BRPF3: variants seen among roughly 807,000 people sequenced by gnomAD.
The protein encoded by BRPF3 is bromodomain and PHD finger containing 3.
A neutral mutation model predicts 102.0 loss-of-function variants in BRPF3; 18 were observed. The ratio of observed to expected loss-of-function variants is 0.18; its 90% CI spans 0.12 to 0.26. The LOEUF is 0.26. BRPF3 is among the 10% of genes least tolerant of loss of function. BRPF3 has a pLI of 1.00. For synonymous variants in BRPF3, 570 were observed against 614.2 expected (o/e 0.93, Z 1.06); for missense variants, 1,147 against 1,567.8 (o/e 0.73, Z 4.53).
intron 8 of BRPF3, among the ~76,000 whole-genome samples, 187 bp from the exon 9 acceptor site, chr6:36,217,730 A>G (rs897659650): frequency 1.3e-5 from 2 of 152,216 alleles, no homozygotes; most frequent in Admixed American, 1.3e-4. Flanking sequence ...CTAGCCAGCA[A>G]TATTTCCCCC....
At chr6:36,203,542 G>T (rs966605156) in intron 2 of BRPF3, among the ~76,000 whole-genome samples, 6 of 152,332 alleles carry the variant, frequency 3.9e-5, no homozygotes, top group African/African-American at 1.4e-4. Flanking sequence ...TGTCCTTTGG[G>T]GAGAGGCCTA....
rs1768073385 is a variant in BRPF3 at position 36,210,664 on chromosome 6, G to A, written c.2179+136G>A. ...GCAAAGCTGAGGGTGAGCACAGACT[G>A]AGGTATACCTTTGTGGCTAGAATAG... On this transcript the variant is annotated intron_variant, in intron 6 of 12. Transcript: ENST00000357641. This position sits in a 1 kb window ranked among gnomAD's most constrained non-coding sequence, Gnocchi z 4.7. 1.3e-6 allele frequency: 1 copy of A among 745,944 alleles called. No homozygotes were observed. The highest frequency in any genetic ancestry group is 2.9e-5 in the Admixed American group (1 of 34,480). 46.2% of individuals were successfully genotyped at this position (745,944 alleles called of 1,614,324 possible). A position where few individuals can be genotyped will look rare whatever the true frequency, so the allele number is the denominator to read the frequency against.
At position 36,225,273 on chromosome 6, in the gene BRPF3, G is replaced by A. The variant is rs757633979; in HGVS notation, c.3188G>A (p.Ser1063Asn). The change falls in exon 11 of 13, where the codon AGC becomes AAC. Residue 1063 changes from serine to asparagine, a missense_variant. This residue lies in a region of BRPF3 where 379 missense variants were observed against 426.3 expected (regional missense o/e 0.89). Transcript: ENST00000357641. Reference protein sequence around the residue: ...GDSDYNGSGRSLLLPFEDRGD... With the variant: ...GDSDYNGSGRNLLLPFEDRGD... ...TCCCCTCCCCCACCCCCAGGCAGAA[G>A]CCTCCTGCTGCCCTTTGAAGACCGC... 8.1e-6 allele frequency: 13 copies of A among 1,607,544 alleles called. No homozygotes were observed. The highest frequency in any genetic ancestry group is 6.8e-6 in the Non-Finnish European group (8 of 1,179,890).
In BRPF3 at chr6:36,225,532, T is replaced by C. The variant is rs1212039385; in HGVS notation, c.3279+168T>C. ...GGGTCAAACTAGCAAGGCTCCCAGC[T>C]TGGAGCACTAAAAATAGGCTAAAAG... On this transcript the variant is annotated intron_variant, in intron 11 of 12. Coordinates refer to ENST00000357641, the MANE Select transcript of BRPF3 (RefSeq NM_015695.3). Among the ~76,000 whole-genome samples, 3 of 152,308 alleles carry C rather than the reference T, an allele frequency of 2.0e-5. No homozygotes were observed. In the East Asian group the frequency reaches 5.8e-4, roughly 29 times the overall value.
intron 9 of BRPF3, among the ~76,000 whole-genome samples, chr6:36,221,315 T>C (rs1768533162): frequency 7.3e-6 from 1 of 136,752 alleles, no homozygotes; most frequent in South Asian, 2.3e-4. Flanking sequence ...TGAGATGGAG[T>C]CTTGCTCTGT....
rs1375924728 is a variant in BRPF3 at position 36,232,003 on chromosome 6, G to A, written c.*1394G>A. The A allele has an allele frequency of 2.6e-5, 4 of 152,568 alleles. No individual in the cohort carries two copies. The highest frequency in any genetic ancestry group is 4.8e-5 in the African/African-American group (2 of 41,420). 9.5% of individuals were successfully genotyped at this position (152,568 alleles called of 1,614,324 possible). A position where few individuals can be genotyped will look rare whatever the true frequency, so the allele number is the denominator to read the frequency against. On this transcript the variant is annotated 3_prime_UTR_variant, in exon 13 of 13. Coordinates refer to ENST00000357641, the MANE Select transcript of BRPF3 (RefSeq NM_015695.3). ...ATTGTTTTAAATTTTTCATAGGGGA[G>A]TTTTGGACAAAACAGTCACTGGGGA...
chr6:36,208,358 G>A (rs1302051957), intron 4 of BRPF3, among the ~76,000 whole-genome samples: 2 of 152,144 alleles, frequency 1.3e-5, no homozygotes, highest in Admixed American at 1.3e-4. Context: ...CTTTCTTGCC[G>A]GGCACAGTGG....
chr6:36,219,599 T>C (rs530162095), intron 9 of BRPF3, among the ~76,000 whole-genome samples: 2 of 152,374 alleles, frequency 1.3e-5, no homozygotes, highest in East Asian at 3.9e-4. Context: ...GTTAGCCTGC[T>C]AATTCAGGTG....
chr6:36,204,480 C>T, intron 2 of BRPF3, 178 bp from the exon 3 acceptor site: 1 of 660,680 alleles, frequency 1.5e-6, no homozygotes, highest in Non-Finnish European at 2.7e-6. Flanking sequence ...CATGCTGAAT[C>T]TGAGCTGCTT....
At chr6:36,203,602 A>G (rs1231467888) in intron 2 of BRPF3, among the ~76,000 whole-genome samples, 1 of 152,226 alleles carries the variant, frequency 6.6e-6, no homozygotes, top group Non-Finnish European at 1.5e-5. Flanking sequence ...CTGACTGTGG[A>G]GAGGAGCAAG....
rs1305688653 is a variant in BRPF3 at position 36,211,526 on chromosome 6, C to T, written c.2448C>T (p.Ala816=). The change falls in exon 7 of 13, where the codon GCC becomes GCT. Residue 816 remains alanine, a synonymous_variant. Coordinates refer to ENST00000357641, the MANE Select transcript of BRPF3 (RefSeq NM_015695.3). ...PQGDAAVLEQ[A]LQEEPEDDGD... ...GGGATGCAGCTGTGCTGGAGCAGGC[C>T]TTGCAGGAGGAGCCAGAAGACGATG... The T allele has an allele frequency of 6.4e-7, 1 of 1,557,376 alleles. No individual in the cohort carries two copies. The highest frequency in any genetic ancestry group is 1.4e-5 in the African/African-American group (1 of 73,378).
chr6:36,230,576 G>GC lies in BRPF3; in HGVS notation c.3589dup (p.His1197ProfsTer138). 1 of 1,614,102 alleles carries GC rather than the reference G, an allele frequency of 6.2e-7. No homozygotes were observed. Among genetic ancestry groups the GC allele is most frequent in the Non-Finnish European group, 8.5e-7 (1 of 1,179,984 alleles). The stretch of plus-strand genomic sequence containing the variant: ...TGATCCACCTGAGCAGAGTCCGGGG[G>GC]CCCCACTCCTTCGTCACTTCCAGCT... On this transcript the variant is annotated frameshift_variant, in exon 13 of 13. Transcript: ENST00000357641. LOFTEE classifies it high-confidence loss of function. This position sits in a 1 kb window ranked among gnomAD's most constrained non-coding sequence, Gnocchi z 5.4.
intron 11 of BRPF3, among the ~76,000 whole-genome samples, chr6:36,225,596 C>T (rs1323657926): frequency 6.6e-6 from 1 of 152,116 alleles, no homozygotes; most frequent in Non-Finnish European, 1.5e-5. Context: ...GTTTTAATAG[C>T]ATTTATTTAT....
rs1768910345 is a variant in BRPF3 at position 36,230,685 on chromosome 6, A to T, written c.*76A>T. 3 of 1,502,480 alleles carry T rather than the reference A, an allele frequency of 2.0e-6. No homozygotes were observed. The highest frequency in any genetic ancestry group is 2.7e-6 in the Non-Finnish European group (3 of 1,111,102). 93.1% of individuals were successfully genotyped at this position (1,502,480 alleles called of 1,614,324 possible). A position where few individuals can be genotyped will look rare whatever the true frequency, so the allele number is the denominator to read the frequency against. ...CAGAGAAGCCTCTTCTGCCCCTGCC[A>T]GATGTATGGCCGGCAGCTTCCCCCT... On this transcript the variant is annotated 3_prime_UTR_variant, in exon 13 of 13. Coordinates refer to ENST00000357641, the MANE Select transcript of BRPF3 (RefSeq NM_015695.3). The surrounding 1 kb of genome is among the most constrained non-coding windows in gnomAD (Gnocchi z 5.4).
chr6:36,207,541 T>TA, intron 4 of BRPF3, 97 bp downstream of exon 4: 2 of 1,469,082 alleles, frequency 1.4e-6, no homozygotes. Flanking sequence ...TGCCTTATGC[T>TA]AGGTTTCTTT....
At chr6:36,208,227 A>G (rs1038497357) in intron 4 of BRPF3, among the ~76,000 whole-genome samples, 1 of 152,164 alleles carries the variant, frequency 6.6e-6, no homozygotes, top group Non-Finnish European at 1.5e-5. Flanking sequence ...TGAAGTGTCT[A>G]CTGCACATGG....
At chr6:36,220,954 G>T (rs1055288734) in intron 9 of BRPF3, among the ~76,000 whole-genome samples, 3 of 152,132 alleles carry the variant, frequency 2.0e-5, no homozygotes, top group African/African-American at 7.2e-5. Flanking sequence ...CCCACTAGGG[G>T]TTTCTTTAAG....
intron 10 of BRPF3, among the ~76,000 whole-genome samples, chr6:36,223,133 C>G (rs1156330313): frequency 3.3e-5 from 5 of 152,198 alleles, no homozygotes; most frequent in African/African-American, 1.2e-4. Context: ...GAGCTCATCT[C>G]TGTCCAGCCC....
At chr6:36,206,207 A>C (rs911254350) in intron 3 of BRPF3, among the ~76,000 whole-genome samples, 18 of 152,058 alleles carry the variant, frequency 1.2e-4, no homozygotes, top group Non-Finnish European at 2.1e-4. Context: ...TCTTATTCAC[A>C]TGCTGTTGGG....
Sources: allele counts gnomAD v4.1 joint callset (sites outside exome capture counted in the v4.1 genomes callset), GRCh38; gene constraint gnomAD v4.1.1; regional missense constraint gnomAD v4.1.1; non-coding constraint Gnocchi (gnomAD v3.1); transcripts MANE v1.5; gene names NCBI Gene and HGNC (gene_info 2026-07-23, HGNC 2026-07-21).